VPS35L: variants seen among roughly 807,000 people sequenced by gnomAD.
VPS35L encodes VPS35 endosomal protein-sorting factor-like.
Under a neutral mutation model 133.0 loss-of-function variants are expected in VPS35L, and 83 were observed. The ratio of observed to expected loss-of-function variants is 0.62; its 90% CI spans 0.52 to 0.75. The LOEUF (loss-of-function observed/expected upper bound fraction) is 0.75, where lower values mean the gene tolerates loss of function less well. Among genes scored for constraint, VPS35L ranks in the 30% least tolerant of loss-of-function variants. The pLI is 0.00. For missense variants in VPS35L, 1,083 were observed against 1,206.8 expected (o/e 0.90, Z 1.52); for synonymous variants, 423 against 449.9 (o/e 0.94, Z 0.76).
At chr16:19,626,027 A>G in intron 14 of VPS35L, 150 bp from the exon 15 acceptor site, 1 of 554,700 alleles carries the variant, frequency 1.8e-6, no homozygotes. Flanking sequence ...TTTTCTCCCC[A>G]AGCCTCCCCA....
intron 14 of VPS35L, 124 bp downstream of exon 14, chr16:19,616,932 C>A (rs1972915049): frequency 1.4e-6 from 2 of 1,409,324 alleles, no homozygotes; most frequent in African/African-American, 1.4e-5. Context: ...TGCTAGCCAG[C>A]CTTTATAGAG....
rs6497393 is a variant in VPS35L, at chr16:19,633,451, A to G, written c.1635+279A>G. On this transcript the variant is annotated intron_variant, in intron 19 of 30. Coordinates refer to ENST00000417362, the MANE Select transcript of VPS35L (RefSeq NM_020314.7). The surrounding 1 kb of genome is among the most constrained non-coding windows in gnomAD (Gnocchi z 4.1). ...TGGCCTGGCACGTGGTAAATGCTCA[A>G]TAAGCGTTGTCTTCATTGTTGTCAC... is the stretch of plus-strand genomic sequence containing the variant. 0.085 allele frequency among the ~76,000 whole-genome samples: 12,956 copies of G among 152,248 alleles called. 742 individuals carry two copies. Among genetic ancestry groups the G allele is most frequent in the East Asian group, 0.22 (1,155 of 5,162 alleles).
chr16:19,618,376 C>T (rs1462424658), intron 14 of VPS35L, among the ~76,000 whole-genome samples: 4 of 151,998 alleles, frequency 2.6e-5, no homozygotes, highest in African/African-American at 9.7e-5. Context: ...GGTTTGTTCA[C>T]GGTAGTGCAA....
At chr16:19,612,638 G>A (rs1972760746) in intron 12 of VPS35L, among the ~76,000 whole-genome samples, 1 of 152,170 alleles carries the variant, frequency 6.6e-6, no homozygotes, top group Non-Finnish European at 1.5e-5. Context: ...ATTTGAATAA[G>A]GCCTGATATC....
intron 29 of VPS35L, among the ~76,000 whole-genome samples, chr16:19,693,777 C>G (rs1975792887): frequency 6.6e-6 from 1 of 151,384 alleles, no homozygotes; most frequent in Non-Finnish European, 1.5e-5. Flanking sequence ...GAGTGAGACT[C>G]CATCTCAGAA....
At position 19,627,686 on chromosome 16, in the gene VPS35L, TC is replaced by T. The variant is rs781512946; in HGVS notation, c.1272-7del. 13 of 1,603,502 alleles carry T rather than the reference TC, an allele frequency of 8.1e-6. No individual in the cohort carries two copies. The Admixed American group carries it at 2.2e-4, about 27-fold the overall frequency. ...AGCCAGGCTGACTTGGGGATCTGTGTCTTGCAGTGCCTTGCTGTTGAATTCT... is the reference window on the plus strand; with the variant it reads ...AGCCAGGCTGACTTGGGGATCTGTGTTTGCAGTGCCTTGCTGTTGAATTCT... On this transcript the variant is annotated splice_polypyrimidine_tract_variant and splice_region_variant and intron_variant, in intron 15 of 30. Coordinates refer to ENST00000417362, the MANE Select transcript of VPS35L (RefSeq NM_020314.7).
chr16:19,682,525 G>A, intron 28 of VPS35L, 135 bp downstream of exon 28: 1 of 1,003,370 alleles, frequency 1.0e-6, no homozygotes, highest in Non-Finnish European at 1.4e-6. Flanking sequence ...GGGTCTCACT[G>A]TATTTACCTG....
At chr16:19,601,771 AC>A in intron 9 of VPS35L, 48 bp downstream of exon 9, 1 of 1,580,468 alleles carries the variant, frequency 6.3e-7, no homozygotes, top group South Asian at 1.1e-5. Flanking sequence ...TGGAGTCAGG[AC>A]TAGAAGGCTT....
chr16:19,583,677 G>C (rs1044328872), intron 7 of VPS35L, among the ~76,000 whole-genome samples: 1 of 150,426 alleles, frequency 6.6e-6, no homozygotes, highest in African/African-American at 2.5e-5. Flanking sequence ...AGCCGAGATC[G>C]CACTACACCA....
intron 1 of VPS35L, among the ~76,000 whole-genome samples, chr16:19,562,616 A>G (rs1315496883): frequency 6.6e-6 from 1 of 152,222 alleles, no homozygotes; most frequent in Non-Finnish European, 1.5e-5. Flanking sequence ...TTGGTTAAAT[A>G]TGTGAGTTAA....
chr16:19,654,473 C>T (rs566219982), intron 26 of VPS35L, among the ~76,000 whole-genome samples: 1 of 151,010 alleles, frequency 6.6e-6, no homozygotes, highest in African/African-American at 2.4e-5. Flanking sequence ...GCACAACAAT[C>T]GCATGAACCT....
intron 28 of VPS35L, among the ~76,000 whole-genome samples, chr16:19,684,967 C>T (rs916703867): frequency 9.9e-5 from 15 of 150,776 alleles, no homozygotes; most frequent in African/African-American, 3.4e-4. Flanking sequence ...CTGATGCAGG[C>T]GAATCGCTTG....
chr16:19,584,627 C>CAAA (rs34652566), intron 7 of VPS35L, among the ~76,000 whole-genome samples: 4 of 102,842 alleles, frequency 3.9e-5, no homozygotes, highest in African/African-American at 1.0e-4. Context: ...AACTCTGTCT[C>CAAA]AAAAAAAAAA....
At chr16:19,662,038 A>T (rs930519341) in intron 26 of VPS35L, among the ~76,000 whole-genome samples, 8 of 100,946 alleles carry the variant, frequency 7.9e-5, no homozygotes, top group South Asian at 2.9e-4. Flanking sequence ...AATATGAATT[A>T]AAAAAAACTT....
chr16:19,594,976 G>A (rs1236593093), intron 8 of VPS35L, among the ~76,000 whole-genome samples: 3 of 152,144 alleles, frequency 2.0e-5, no homozygotes, highest in African/African-American at 7.2e-5. Flanking sequence ...AGAGGCCAAG[G>A]AACAGCTTGT....
At chr16:19,624,311 G>A (rs1480151262) in intron 14 of VPS35L, among the ~76,000 whole-genome samples, 3 of 151,572 alleles carry the variant, frequency 2.0e-5, no homozygotes, top group Non-Finnish European at 4.4e-5. Flanking sequence ...GACTGGGCGC[G>A]GTGGCTCACT....
chr16:19,570,883 A>ATTT (rs1366924758), intron 3 of VPS35L, among the ~76,000 whole-genome samples: 2 of 67,784 alleles, frequency 3.0e-5, no homozygotes, highest in African/African-American at 1.5e-4. Context: ...ATATATATAT[A>ATTT]TATATATTTT....
chr16:19,603,343 C>T (rs1254078051), intron 9 of VPS35L, among the ~76,000 whole-genome samples: 1 of 152,040 alleles, frequency 6.6e-6, no homozygotes, highest in Non-Finnish European at 1.5e-5. Context: ...TGAGATGTGG[C>T]CAGTCCAAAT....
intron 26 of VPS35L, among the ~76,000 whole-genome samples, chr16:19,660,388 G>A (rs1974445547): frequency 6.6e-6 from 1 of 152,052 alleles, no homozygotes; most frequent in African/African-American, 2.4e-5. Context: ...TCCTGGGCTA[G>A]GACAGCTGTC....
Sources: allele counts gnomAD v4.1 joint callset (sites outside exome capture counted in the v4.1 genomes callset), GRCh38; gene constraint gnomAD v4.1.1; non-coding constraint Gnocchi (gnomAD v3.1); transcripts MANE v1.5; gene names NCBI Gene and HGNC (gene_info 2026-07-23, HGNC 2026-07-21).